Variants in HADHB observed in about 807,000 individuals in gnomAD.
HADHB encodes the protein hydroxyacyl-CoA dehydrogenase trifunctional multienzyme complex subunit beta, also known as trifunctional enzyme subunit beta, mitochondrial.
A neutral mutation model predicts 61.9 loss-of-function variants in HADHB; 50 were observed. The observed-to-expected ratio is 0.81, with a 90% CI of 0.64 to 1.02. HADHB has a LOEUF of 1.02. Ranked by LOEUF, HADHB falls within the 50% of genes least tolerant of loss-of-function variation. HADHB has a pLI of 0.00. For synonymous variants in HADHB, 191 were observed against 201.6 expected, an observed-to-expected ratio of 0.95 and a Z score of 0.45; for missense variants, 504 against 586.5, an observed-to-expected ratio of 0.86 and a Z score of 1.45.
chr2:26,246,453 C>T (rs1356410182), intron 1 of HADHB, among the ~76,000 whole-genome samples: 2 of 151,614 alleles, frequency 1.3e-5, no homozygotes, highest in Non-Finnish European at 1.5e-5. Flanking sequence ...GATTCTCCTG[C>T]CTCAGGCTCC....
chr2:26,254,462 C>T lies in HADHB; in HGVS notation c.97C>T (p.Arg33Ter), dbSNP rs752264795. ...ACCTCTGAGCTGTTCCTCCCAGCTA[C>T]GAGCTGCCCCAGGTACAGTAATTTG... ...IRPLSCSSQL[R>*]AAPAVQTKTK... The change falls in exon 3 of 16, where the codon CGA (arginine) becomes TGA (stop). Residue 33 changes from arginine (R) to a stop codon, truncating the protein, a stop_gained. Transcript: ENST00000317799. LOFTEE classifies it high-confidence loss of function. The T allele has an allele frequency of 4.6e-5, 73 of 1,588,054 alleles. No homozygotes were observed. The highest frequency in any genetic ancestry group is 6.1e-5 in the Non-Finnish European group (70 of 1,156,318).
intron 13 of HADHB, 131 bp downstream of exon 13, chr2:26,284,335 A>T: frequency 1.3e-6 from 1 of 746,612 alleles, no homozygotes. Flanking sequence ...TTAAGTACTG[A>T]TTCACACTGC....
rs367943942 is a variant in HADHB, at chr2:26,285,478, C to T, written c.1296C>T (p.Ala432=). 6.2e-7 allele frequency: 1 copy of T among 1,613,728 alleles called. No homozygotes were observed. Among genetic ancestry groups the T allele is most frequent in the Non-Finnish European group, 8.5e-7 (1 of 1,179,712 alleles). Residue 432 remains alanine, a synonymous_variant, in exon 15 of 16, where the codon GCC becomes GCT. Coordinates refer to ENST00000317799, the MANE Select transcript of HADHB (RefSeq NM_000183.3). ...TGTCCCTGGGACACCCATTTGGAGCCACTGGCTGCAGGTTGGTCATGGCTG... is the reference window on the plus strand; with the variant it reads ...TGTCCCTGGGACACCCATTTGGAGCTACTGGCTGCAGGTTGGTCATGGCTG... ...GSLSLGHPFG[A]TGCRLVMAAA...
At chr2:26,256,818 T>C (rs1281420908) in intron 3 of HADHB, among the ~76,000 whole-genome samples, 1 of 152,186 alleles carries the variant, frequency 6.6e-6, no homozygotes, top group African/African-American at 2.4e-5. Context: ...CTGTAGAATA[T>C]ATAAAATGGA....
intron 1 of HADHB, among the ~76,000 whole-genome samples, chr2:26,252,239 A>T (rs1671428512): frequency 1.3e-5 from 2 of 152,328 alleles, no homozygotes; most frequent in African/African-American, 4.8e-5. Flanking sequence ...TTTTTGGTTT[A>T]TACATTCTGT....
chr2:26,263,985 C>G (rs1008891483), intron 4 of HADHB, among the ~76,000 whole-genome samples: 5 of 152,104 alleles, frequency 3.3e-5, no homozygotes, highest in Non-Finnish European at 7.3e-5. Context: ...TTCCCTAGAT[C>G]CAAATTGCTC....
At chr2:26,250,347 T>C (rs772112000) in intron 1 of HADHB, among the ~76,000 whole-genome samples, 5 of 152,204 alleles carry the variant, frequency 3.3e-5, no homozygotes, top group Admixed American at 2.0e-4. Flanking sequence ...GGATTATGGG[T>C]ATCAACCCTT....
chr2:26,266,501 C>T (rs929733278), intron 4 of HADHB, among the ~76,000 whole-genome samples: 2 of 151,980 alleles, frequency 1.3e-5, no homozygotes, highest in Admixed American at 6.5e-5. Context: ...GGGAAGCACT[C>T]CCGGGAATAG....
intron 4 of HADHB, among the ~76,000 whole-genome samples, chr2:26,266,088 A>G (rs1574652748): frequency 6.6e-6 from 1 of 151,372 alleles, no homozygotes; most frequent in East Asian, 1.9e-4. Flanking sequence ...TATCTCTACA[A>G]AAAAAAGAAA....
At chr2:26,264,489 G>A (rs1354870473) in intron 4 of HADHB, among the ~76,000 whole-genome samples, 1 of 145,396 alleles carries the variant, frequency 6.9e-6, no homozygotes, top group Non-Finnish European at 1.5e-5. Flanking sequence ...GGTCAAGGCT[G>A]CAGTGAGCCG....
intron 12 of HADHB, 117 bp downstream of exon 12, chr2:26,283,168 G>A: frequency 1.3e-6 from 1 of 778,838 alleles, no homozygotes; most frequent in Admixed American, 1.9e-5. Flanking sequence ...TATTACACTG[G>A]TTTGAGAGTA....
At chr2:26,248,826 G>A (rs1304361557) in intron 1 of HADHB, among the ~76,000 whole-genome samples, 1 of 152,178 alleles carries the variant, frequency 6.6e-6, no homozygotes, top group Non-Finnish European at 1.5e-5. Context: ...GGAGGCAGAG[G>A]CGGGCGGATC....
chr2:26,283,184 A>T, intron 12 of HADHB, 133 bp downstream of exon 12: 1 of 736,398 alleles, frequency 1.4e-6, no homozygotes, highest in East Asian at 2.6e-5. Flanking sequence ...GAGTATATTA[A>T]GCCCTGAGTT....
chr2:26,279,843 G>C, intron 9 of HADHB, 151 bp from the exon 10 acceptor site: 1 of 634,470 alleles, frequency 1.6e-6, no homozygotes, highest in South Asian at 2.0e-5. Context: ...TTTAAAATTT[G>C]ATAATATGAT....
intron 10 of HADHB, among the ~76,000 whole-genome samples, chr2:26,282,636 C>T (rs1342450448): frequency 6.6e-6 from 1 of 152,124 alleles, no homozygotes; most frequent in Non-Finnish European, 1.5e-5. Context: ...TTTGAACAGC[C>T]TTCTCTACCC....
At chr2:26,257,102 G>A (rs1407967626) in intron 3 of HADHB, among the ~76,000 whole-genome samples, 5 of 151,474 alleles carry the variant, frequency 3.3e-5, no homozygotes, top group Admixed American at 2.6e-4. Context: ...GGAAGGCTAA[G>A]AGCTCCCCTT....
At chr2:26,255,929 T>G (rs1057057389) in intron 3 of HADHB, among the ~76,000 whole-genome samples, 1 of 152,228 alleles carries the variant, frequency 6.6e-6, no homozygotes, top group Non-Finnish European at 1.5e-5. Flanking sequence ...GTCTTTGCTT[T>G]GCAAAGTCAC....
intron 1 of HADHB, among the ~76,000 whole-genome samples, chr2:26,250,465 ATTAG>A (rs1472466479): frequency 2.0e-5 from 3 of 151,996 alleles, no homozygotes; most frequent in Admixed American, 6.6e-5. Flanking sequence ...GATCAGATCT[ATTAG>A]TTATTATTTT....
chr2:26,279,162 A>G lies in HADHB; in HGVS notation c.658A>G (p.Ser220Gly). The change falls in exon 9 of 16, where the codon AGT becomes GGT. Residue 220 changes from serine to glycine, a missense_variant. Transcript: ENST00000317799. The part of the protein sequence containing the change: ...ELPAVSEFST[S>G]ETMGHSADRL... ...CCCTGCGGTTTCTGAGTTCTCCACC[A>G]GTGAGACCATGGGCCACTCTGCAGA... The G allele has an allele frequency of 1.2e-6, 2 of 1,614,014 alleles. No individual in the cohort carries two copies. The highest frequency in any genetic ancestry group is 1.3e-5 in the African/African-American group (1 of 75,018).
Sources: allele counts gnomAD v4.1 joint callset (sites outside exome capture counted in the v4.1 genomes callset), GRCh38; gene constraint gnomAD v4.1.1; transcripts MANE v1.5; gene names NCBI Gene and HGNC (gene_info 2026-07-23, HGNC 2026-07-21).